The following FAM107B variants were observed in gnomAD, a reference collection of about 807,000 sequenced individuals.
FAM107B encodes family with sequence similarity 107 member B.
A neutral mutation model predicts 31.5 loss-of-function variants in FAM107B; 21 were observed. The ratio of observed to expected loss-of-function variants is 0.67; its 90% confidence interval spans 0.47 to 0.96. The LOEUF is 0.96. Ranked by LOEUF, FAM107B falls within the 40% of genes least tolerant of loss-of-function variation. The pLI is 0.00. For missense variants in FAM107B, 452 were observed against 377.1 expected, an observed-to-expected ratio of 1.20 and a Z score of -1.64; for synonymous variants, 157 against 141.5, an observed-to-expected ratio of 1.11 and a Z score of -0.78.
At chr10:14,728,339 G>A (rs1042449672) in intron 1 of FAM107B, among the ~76,000 whole-genome samples, 4 of 151,314 alleles carry the variant, frequency 2.6e-5, no homozygotes, top group African/African-American at 4.9e-5. Flanking sequence ...GGGTGTGTGT[G>A]TGTGTGTGTG....
intron 2 of FAM107B, among the ~76,000 whole-genome samples, chr10:14,624,356 C>T (rs1853098776): frequency 6.6e-6 from 1 of 152,178 alleles, no homozygotes; most frequent in African/African-American, 2.4e-5. Context: ...CCTGCCCCAT[C>T]TCAAAATCAA....
At chr10:14,571,075 G>A (rs938202033) in intron 2 of FAM107B, among the ~76,000 whole-genome samples, 3 of 152,066 alleles carry the variant, frequency 2.0e-5, no homozygotes, top group Non-Finnish European at 4.4e-5. Flanking sequence ...CCAGCAGATC[G>A]GGTGTCTGGT....
chr10:14,548,838 A>ACACACACACGCACACACACACG (rs60206579), intron 2 of FAM107B, among the ~76,000 whole-genome samples: 5 of 151,298 alleles, frequency 3.3e-5, no homozygotes, highest in South Asian at 2.1e-4. Flanking sequence ...ACACACACGC[A>ACACACACACGCACACACACACG]CACACACACC....
At chr10:14,758,663 G>A (rs368421602) in intron 1 of FAM107B, among the ~76,000 whole-genome samples, 3 of 152,170 alleles carry the variant, frequency 2.0e-5, no homozygotes, top group East Asian at 3.9e-4. Flanking sequence ...CGTCTGGAGC[G>A]AGTGCCAATA....
rs184409537 is a variant in FAM107B, at chr10:14,586,969, T to C, written c.470-56454A>G. Among the ~76,000 whole-genome samples, 107 of 152,304 alleles carry C rather than the reference T, an allele frequency of 7.0e-4. No homozygotes were observed. The East Asian group carries it at 0.015, about 21-fold the overall frequency. ...CAATCCTGGGACAAACTCTCTCTCA[T>C]TGAGTCCTATGAGAATGGAATAGTC... On this transcript the variant is annotated intron_variant, in intron 2 of 4. Coordinates refer to ENST00000181796, the MANE Select transcript of FAM107B (RefSeq NM_031453.4).
At chr10:14,554,828 G>A (rs1455564279) in intron 2 of FAM107B, among the ~76,000 whole-genome samples, 4 of 152,190 alleles carry the variant, frequency 2.6e-5, no homozygotes, top group African/African-American at 9.7e-5. Flanking sequence ...GCGATGGGTG[G>A]TCAATGAAGT....
Position 14,681,863 on chromosome 10 carries a change from A to C in FAM107B, c.412-14172T>G, listed in dbSNP as rs184678583. ...TCACAGCCATAAGACTAGTAGCTTT[A>C]ACAACGGAGAGGCATTGGTAATAGC... is the stretch of plus-strand genomic sequence containing the variant. On this transcript the variant is annotated intron_variant, in intron 1 of 4. Coordinates refer to ENST00000181796, the MANE Select transcript of FAM107B (RefSeq NM_031453.4). Among the ~76,000 whole-genome samples the C allele has an allele frequency of 6.9e-4, 105 of 152,366 alleles. 1 individual carries two copies. In the East Asian group the frequency reaches 0.012, roughly 18 times the overall value.
intron 1 of FAM107B, among the ~76,000 whole-genome samples, chr10:14,728,051 C>T (rs1347511514): frequency 1.3e-5 from 2 of 152,148 alleles, no homozygotes; most frequent in African/African-American, 2.4e-5. Context: ...CTCCTCCCCC[C>T]ATACATTTAT....
chr10:14,627,511 C>T (rs1167825851), intron 2 of FAM107B, among the ~76,000 whole-genome samples: 2 of 152,214 alleles, frequency 1.3e-5, no homozygotes, highest in Non-Finnish European at 2.9e-5. Flanking sequence ...CAATGGCTCA[C>T]GCCTGTCATC....
intron 2 of FAM107B, among the ~76,000 whole-genome samples, 183 bp from the exon 3 acceptor site, chr10:14,530,698 G>C (rs1162057740): frequency 6.6e-6 from 1 of 152,200 alleles, no homozygotes; most frequent in Non-Finnish European, 1.5e-5. Flanking sequence ...GCAGGGAAGA[G>C]AATGGTGGCC....
At chr10:14,627,270 C>T (rs1192980620) in intron 2 of FAM107B, among the ~76,000 whole-genome samples, 1 of 152,192 alleles carries the variant, frequency 6.6e-6, no homozygotes, top group African/African-American at 2.4e-5. Context: ...AACATACTTT[C>T]GTCACAGTCC....
At chr10:14,614,143 AATAC>A (rs1231009670) in intron 2 of FAM107B, among the ~76,000 whole-genome samples, 1 of 151,978 alleles carries the variant, frequency 6.6e-6, no homozygotes, top group Non-Finnish European at 1.5e-5. Flanking sequence ...TAAATAAATA[AATAC>A]AATTTGAACT....
At chr10:14,615,974 A>G (rs1455576873) in intron 2 of FAM107B, among the ~76,000 whole-genome samples, 1 of 152,238 alleles carries the variant, frequency 6.6e-6, no homozygotes. Flanking sequence ...GGAATTACTT[A>G]GGCATACTTC....
chr10:14,636,202 A>G (rs1200333895), intron 2 of FAM107B, among the ~76,000 whole-genome samples: 1 of 150,990 alleles, frequency 6.6e-6, no homozygotes, highest in East Asian at 2.0e-4. Context: ...GTGGCATCCT[A>G]TGCCCAATCA....
intron 2 of FAM107B, among the ~76,000 whole-genome samples, chr10:14,592,734 C>A (rs1264479225): frequency 6.6e-6 from 1 of 152,206 alleles, no homozygotes; most frequent in East Asian, 1.9e-4. Flanking sequence ...AGAAGCGATT[C>A]TGGAATGGAA....
At chr10:14,771,092 A>G (rs886587943) in intron 1 of FAM107B, among the ~76,000 whole-genome samples, 1 of 152,144 alleles carries the variant, frequency 6.6e-6, no homozygotes, top group Non-Finnish European at 1.5e-5. Flanking sequence ...GCAAGATTGT[A>G]ATAAAAGCAT....
intron 2 of FAM107B, among the ~76,000 whole-genome samples, chr10:14,595,796 G>T (rs1479872730): frequency 6.6e-6 from 1 of 152,128 alleles, no homozygotes; most frequent in Admixed American, 6.5e-5. Context: ...CCCAAAGGCT[G>T]AGGCCAAAAG....
chr10:14,533,866 G>A (rs1011630198), intron 2 of FAM107B, among the ~76,000 whole-genome samples: 6 of 152,158 alleles, frequency 3.9e-5, no homozygotes, highest in African/African-American at 1.2e-4. Context: ...AGGACCAGTG[G>A]GGTGAGGGGC....
At chr10:14,610,068 G>A (rs995134735) in intron 2 of FAM107B, among the ~76,000 whole-genome samples, 3 of 152,242 alleles carry the variant, frequency 2.0e-5, no homozygotes, top group Non-Finnish European at 2.9e-5. Flanking sequence ...TCTAGGCCGG[G>A]CACGGTGGCT....
Sources: gnomAD v4.1 joint callset for allele counts (sites outside exome capture counted in the v4.1 genomes callset) on GRCh38, gnomAD v4.1.1 for gene constraint, MANE v1.5 for transcripts, NCBI Gene and HGNC (gene_info 2026-07-23, HGNC 2026-07-21) for gene names.